The following RPGRIP1 variants were observed in gnomAD, a reference collection of about 807,000 sequenced individuals.
RPGRIP1 encodes the protein X-linked retinitis pigmentosa GTPase regulator-interacting protein 1.
Under a neutral mutation model 157.9 loss-of-function variants are expected in RPGRIP1, and 128 were observed. The ratio of observed to expected loss-of-function variants is 0.81; its 90% CI spans 0.70 to 0.94. The LOEUF (loss-of-function observed/expected upper bound fraction) is 0.94. Among genes scored for constraint, RPGRIP1 ranks in the 40% least tolerant of loss-of-function variants. The pLI, the probability that RPGRIP1 is intolerant of heterozygous loss-of-function variation, is 0.00. For synonymous variants in RPGRIP1, 554 were observed against 571.6 expected (o/e 0.97, Z 0.44); for missense variants, 1,486 against 1,545.8 (o/e 0.96, Z 0.65).
rs368528161 is a variant in RPGRIP1 at position 21,301,220 on chromosome 14, C to G, written c.473C>G (p.Pro158Arg). The G allele has an allele frequency of 1.3e-5, 21 of 1,589,762 alleles. 1 individual carries two copies. In the South Asian group the frequency reaches 2.3e-4, roughly 17 times the overall value. Residue 158 changes from proline to arginine, a missense_variant, in exon 4 of 25, where the codon CCG becomes CGG. By Grantham distance (103) the Pro-to-Arg change is moderately radical. Coordinates refer to ENST00000400017, the MANE Select transcript of RPGRIP1 (RefSeq NM_020366.4). Reference protein sequence around the residue: ...RQLHTAGAPVPEKPKRGPRDR... With the variant: ...RQLHTAGAPVREKPKRGPRDR... ...CTCCACACAGCCGGTGCACCGGTGCCGGAGAAACCCAAGAGGGGTGAGATT... is the reference window on the plus strand; with the variant it reads ...CTCCACACAGCCGGTGCACCGGTGCGGGAGAAACCCAAGAGGGGTGAGATT...
intron 1 of RPGRIP1, among the ~76,000 whole-genome samples, chr14:21,284,916 T>C (rs1594367565): frequency 6.6e-6 from 1 of 152,148 alleles, no homozygotes; most frequent in South Asian, 2.1e-4. Context: ...CTTTAAGAAC[T>C]TTTTGACTCA....
At chr14:21,343,959 A>C (rs117725885) in intron 22 of RPGRIP1, among the ~76,000 whole-genome samples, 1,354 of 126,276 alleles carry the variant, frequency 0.011, 11 homozygotes, top group Non-Finnish European at 0.016. Flanking sequence ...CCTGGACTCA[A>C]ATGATTCTCC....
At chr14:21,300,818 A>G in intron 3 of RPGRIP1, 148 bp from the exon 4 acceptor site, 14 of 853,514 alleles carry the variant, frequency 1.6e-5, no homozygotes, top group Non-Finnish European at 2.4e-5. Context: ...TGTACTGGGG[A>G]CAGAAGGCTA....
chr14:21,313,162 A>G (rs935930639), intron 10 of RPGRIP1, among the ~76,000 whole-genome samples: 2 of 147,452 alleles, frequency 1.4e-5, no homozygotes, highest in Non-Finnish European at 3.0e-5. Flanking sequence ...GGCTGGGGGG[A>G]ATCAAAATGA....
In RPGRIP1 at chr14:21,287,928, C is replaced by T. The variant is rs1880356368; in HGVS notation, c.-38-11C>T. The T allele has an allele frequency of 1.5e-6, 2 of 1,327,146 alleles. No homozygotes were observed. The highest frequency in any genetic ancestry group is 2.1e-6 in the Non-Finnish European group (2 of 932,466). 82.2% of individuals were successfully genotyped at this position (1,327,146 alleles called of 1,614,324 possible). ...TTGCATGTAACTGACTGGACTTTTCCTTTATTTCAGTGTCCTCTGGGATCT... is the reference window on the plus strand; with the variant it reads ...TTGCATGTAACTGACTGGACTTTTCTTTTATTTCAGTGTCCTCTGGGATCT... On this transcript the variant is annotated splice_polypyrimidine_tract_variant and intron_variant, in intron 1 of 24. Coordinates refer to ENST00000400017, the MANE Select transcript of RPGRIP1 (RefSeq NM_020366.4).
intron 16 of RPGRIP1, 80 bp downstream of exon 16, chr14:21,325,463 C>A: frequency 7.6e-7 from 1 of 1,307,744 alleles, no homozygotes; most frequent in Non-Finnish European, 1.1e-6. Context: ...CTTCCACTCT[C>A]AATAAGTGTT....
At chr14:21,324,270 G>A (rs1433756929) in intron 14 of RPGRIP1, 5 of 354,116 alleles carry the variant, frequency 1.4e-5, no homozygotes, top group African/African-American at 1.0e-4. Flanking sequence ...TGTGTTTCTA[G>A]TACTTCTCTT....
At position 21,312,496 on chromosome 14, in the gene RPGRIP1, C is replaced by CTCT. The variant is rs762000920; in HGVS notation, c.1143_1145dup (p.Leu381_Leu382insPhe). 3.1e-6 allele frequency: 5 copies of CTCT among 1,609,366 alleles called. No homozygotes were observed. The Admixed American group carries it at 8.4e-5, about 27-fold the overall frequency. On this transcript the variant is annotated inframe_insertion, in exon 10 of 25. Coordinates refer to ENST00000400017, the MANE Select transcript of RPGRIP1 (RefSeq NM_020366.4). ...ATTGCTGAATGACAATTATGACAAA[C>CTCT]TCTTAGAAAGGTGAGTACCACATTT...
chr14:21,306,487 C>T (rs1881312605), intron 6 of RPGRIP1, among the ~76,000 whole-genome samples: 1 of 151,506 alleles, frequency 6.6e-6, no homozygotes, highest in Non-Finnish European at 1.5e-5. Context: ...GAGACAGAGA[C>T]TCACTCTGTC....
At chr14:21,329,352 G>A (rs1883472069) in intron 19 of RPGRIP1, among the ~76,000 whole-genome samples, 3 of 151,864 alleles carry the variant, frequency 2.0e-5, no homozygotes, top group Admixed American at 2.0e-4. Context: ...CATAATCATA[G>A]CTAATTGTGG....
chr14:21,337,985 C>T (rs942109668), intron 21 of RPGRIP1, among the ~76,000 whole-genome samples: 101 of 151,766 alleles, frequency 6.7e-4, no homozygotes, highest in Non-Finnish European at 1.1e-3. Flanking sequence ...GGTGCGATAT[C>T]GGCTCACTGC....
At chr14:21,336,913 G>A (rs1884422203) in intron 21 of RPGRIP1, among the ~76,000 whole-genome samples, 1 of 152,294 alleles carries the variant, frequency 6.6e-6, no homozygotes, top group East Asian at 1.9e-4. Flanking sequence ...AAACTTCCTT[G>A]TGTGCCCCAA....
At chr14:21,332,471 A>T (rs1216011719) in intron 20 of RPGRIP1, among the ~76,000 whole-genome samples, 1 of 152,232 alleles carries the variant, frequency 6.6e-6, no homozygotes, top group South Asian at 2.1e-4. Context: ...GAACAATTCC[A>T]TTCTTATGAT....
intron 11 of RPGRIP1, 89 bp downstream of exon 11, chr14:21,317,939 C>A (rs1421741810): frequency 1.8e-6 from 2 of 1,096,268 alleles, no homozygotes; most frequent in South Asian, 1.5e-5. Context: ...TTTCTTTAAT[C>A]CCCTCACTTG....
intron 6 of RPGRIP1, among the ~76,000 whole-genome samples, chr14:21,305,262 C>T (rs1256904956): frequency 6.6e-6 from 1 of 152,162 alleles, no homozygotes; most frequent in African/African-American, 2.4e-5. Context: ...TTACTGTCTC[C>T]AGTTTTGCCT....
chr14:21,349,139 C>T lies in RPGRIP1; in HGVS notation c.3748+837C>T, dbSNP rs7154002. 7.0e-3 allele frequency among the ~76,000 whole-genome samples: 965 copies of T among 137,140 alleles called. 12 individuals are homozygous for T. The highest frequency in any genetic ancestry group is 0.025 in the African/African-American group (896 of 36,214). The allele number at this position is 137,140 out of a possible 152,430, so 90.0% of individuals were successfully genotyped here. On this transcript the variant is annotated intron_variant, in intron 24 of 24. Transcript: ENST00000400017. ...AGGCTGGAGTGCAGTGGTGTGATCTCGGCTCACTGCAACCTCCACCTCCCA... is the reference window on the plus strand; with the variant it reads ...AGGCTGGAGTGCAGTGGTGTGATCTTGGCTCACTGCAACCTCCACCTCCCA...
At chr14:21,297,880 T>TCTTTC (rs1555365051) in intron 3 of RPGRIP1, among the ~76,000 whole-genome samples, 6 of 149,740 alleles carry the variant, frequency 4.0e-5, no homozygotes, top group East Asian at 1.9e-4. Context: ...TTTCTTTCTT[T>TCTTTC]TTTTTGAGAT....
chr14:21,334,697 C>T lies in RPGRIP1; in HGVS notation c.3331C>T (p.Pro1111Ser), dbSNP rs1349361719. The T allele has an allele frequency of 2.5e-6, 4 of 1,592,198 alleles. No individual in the cohort carries two copies. The African/African-American group carries it at 5.5e-5, about 22-fold the overall frequency. ...VIVPPMSQKY[P>S]KADSEKMCIE... ...AGTGCCACCCATGTCTCAGAAATAT[C>T]CTAAGGCAGTAAGTACACTGGAGTA... Residue 1111 changes from proline to serine, a missense_variant, in exon 21 of 25, where the codon CCT (proline) becomes TCT (serine). Pro to Ser is a moderately conservative substitution (Grantham distance 74). Transcript: ENST00000400017.
chr14:21,294,767 T>C lies in RPGRIP1; in HGVS notation c.176T>C (p.Leu59Ser). 1 of 1,611,230 alleles carries C rather than the reference T, an allele frequency of 6.2e-7. No individual in the cohort carries two copies. The highest frequency in any genetic ancestry group is 8.5e-7 in the Non-Finnish European group (1 of 1,178,642). ...SFFRLREDHM[L>S]VKELSWKQQD... is the part of the protein sequence containing the mutation. ...TTTCGACTTCGCGAAGATCACATGT[T>C]GGTGAAGGAGCTTTCTTGGAAGCAA... The change falls in exon 3 of 25, where the codon TTG becomes TCG. Residue 59 changes from leucine to serine, a missense_variant. Transcript: ENST00000400017.
Sources: gnomAD v4.1 joint callset for allele counts (sites outside exome capture counted in the v4.1 genomes callset) on GRCh38, gnomAD v4.1.1 for gene constraint, MANE v1.5 for transcripts, NCBI Gene and HGNC (gene_info 2026-07-23, HGNC 2026-07-21) for gene names.